The following PPP1R16B variants were observed in gnomAD, a reference collection of about 807,000 sequenced individuals.
PPP1R16B encodes protein phosphatase 1 regulatory inhibitor subunit 16B.
In PPP1R16B, 14 loss-of-function variants were observed where a neutral mutation model predicts 61.7. That is an observed-to-expected ratio of 0.23 (90% CI 0.15 to 0.35). PPP1R16B has a LOEUF of 0.35. Ranked by LOEUF, PPP1R16B falls within the 10% of genes least tolerant of loss-of-function variation. PPP1R16B has a pLI of 1.00. For missense variants in PPP1R16B, 547 were observed against 752.5 expected (o/e 0.73, Z 3.19); for synonymous variants, 266 against 305.3 (o/e 0.87, Z 1.34).
intron 2 of PPP1R16B, among the ~76,000 whole-genome samples, chr20:38,838,864 C>T (rs2084890422): frequency 6.6e-6 from 1 of 152,204 alleles, no homozygotes; most frequent in African/African-American, 2.4e-5. Context: ...GGGATCAGTG[C>T]CCCGCAGCCC....
At chr20:38,820,507 G>T (rs994513983) in intron 1 of PPP1R16B, among the ~76,000 whole-genome samples, 2 of 151,738 alleles carry the variant, frequency 1.3e-5, no homozygotes, top group Non-Finnish European at 1.5e-5. Context: ...GCAGTGAGCC[G>T]AGACTGTGCC....
intron 2 of PPP1R16B, among the ~76,000 whole-genome samples, chr20:38,839,797 TGGA>T (rs1283252234): frequency 2.0e-5 from 3 of 152,250 alleles, no homozygotes; most frequent in Non-Finnish European, 4.4e-5. Flanking sequence ...TTCCATAGTA[TGGA>T]TTACCAGAAT....
chr20:38,826,614 A>G (rs2084806890), intron 1 of PPP1R16B, among the ~76,000 whole-genome samples: 1 of 152,212 alleles, frequency 6.6e-6, no homozygotes, highest in African/African-American at 2.4e-5. Flanking sequence ...ACCAATCCAA[A>G]TCATCAATCA....
chr20:38,883,259 G>A (rs925956303), intron 2 of PPP1R16B, among the ~76,000 whole-genome samples: 1 of 152,256 alleles, frequency 6.6e-6, no homozygotes, highest in Non-Finnish European at 1.5e-5. Flanking sequence ...AGGAGGAGCA[G>A]GAGCCACGCC....
At chr20:38,855,904 C>CCACATATATA (rs2085000738) in intron 2 of PPP1R16B, among the ~76,000 whole-genome samples, 1 of 50,146 alleles carries the variant, frequency 2.0e-5, no homozygotes, top group African/African-American at 8.0e-5. Flanking sequence ...AGACAGTTTC[C>CCACATATATA]TACATATATA....
At chr20:38,894,024 C>G (rs2085312861) in intron 3 of PPP1R16B, among the ~76,000 whole-genome samples, 1 of 152,178 alleles carries the variant, frequency 6.6e-6, no homozygotes, top group East Asian at 1.9e-4. Flanking sequence ...TTCTCCCGCC[C>G]GTCTGAAGCA....
chr20:38,844,316 T>A (rs1447701065), intron 2 of PPP1R16B, among the ~76,000 whole-genome samples: 2 of 152,248 alleles, frequency 1.3e-5, no homozygotes, highest in Non-Finnish European at 2.9e-5. Flanking sequence ...ATTTGGATTT[T>A]TGCTTAAAAG....
rs1483550168 is a variant in PPP1R16B, at chr20:38,806,640, G to T, written c.-102+848G>T. Among the ~76,000 whole-genome samples, 1 of 152,174 alleles carries T rather than the reference G, an allele frequency of 6.6e-6. No individual in the cohort carries two copies. The highest frequency in any genetic ancestry group is 1.5e-5 in the Non-Finnish European group (1 of 68,018). On this transcript the variant is annotated intron_variant, in intron 1 of 10. Coordinates refer to ENST00000299824, the MANE Select transcript of PPP1R16B (RefSeq NM_015568.4). The surrounding 1 kb of genome is among the most constrained non-coding windows in gnomAD (Gnocchi z 4.5). ...GTGCCCAGGCTGAGCTGCCCAGACC[G>T]CCCCGGGTGGAGAGCCGGGAGGCAG...
In PPP1R16B at chr20:38,902,668, G is replaced by T. The variant is rs750940928; in HGVS notation, c.572G>T (p.Gly191Val). The T allele has an allele frequency of 2.5e-6, 4 of 1,614,142 alleles. No homozygotes were observed. The highest frequency in any genetic ancestry group is 3.4e-6 in the Non-Finnish European group (4 of 1,180,022). ...DVIETCMAYQ[G>V]ITQEKINEMR... ...ATAAATCCCCTCTTTCCCACTGCAG[G>T]CATCACCCAAGAGAAAATCAACGAG... Residue 191 changes from glycine to valine, a missense_variant and splice_region_variant, in exon 6 of 11, where the codon GGC becomes GTC. Physicochemically the swap from Gly to Val is moderately radical, Grantham distance 109. Coordinates refer to ENST00000299824, the MANE Select transcript of PPP1R16B (RefSeq NM_015568.4).
chr20:38,846,772 G>C lies in PPP1R16B; in HGVS notation c.250+10597G>C, dbSNP rs534878234. Among the ~76,000 whole-genome samples, 3 of 152,312 alleles carry C rather than the reference G, an allele frequency of 2.0e-5. No individual in the cohort carries two copies. In the East Asian group the frequency reaches 5.8e-4, roughly 29 times the overall value. ...AAATCCTAGCACTTTGAGAGGCCAA[G>C]GCGGGAAGATCACTTGAGCCCAGGA... On this transcript the variant is annotated intron_variant, in intron 2 of 10. Coordinates refer to ENST00000299824, the MANE Select transcript of PPP1R16B (RefSeq NM_015568.4).
intron 1 of PPP1R16B, among the ~76,000 whole-genome samples, chr20:38,835,168 C>T (rs557462240): frequency 1.1e-4 from 17 of 152,348 alleles, no homozygotes; most frequent in African/African-American, 4.1e-4. Flanking sequence ...ATTGTTTCTT[C>T]TGGTCTCTTT....
chr20:38,906,610 A>C (rs752198602), intron 7 of PPP1R16B, among the ~76,000 whole-genome samples: 2 of 152,178 alleles, frequency 1.3e-5, no homozygotes, highest in Admixed American at 6.5e-5. Flanking sequence ...ATAGGATGGT[A>C]ATCAAATTTG....
At chr20:38,904,781 A>AGAC (rs1196803936) in intron 6 of PPP1R16B, among the ~76,000 whole-genome samples, 3 of 152,140 alleles carry the variant, frequency 2.0e-5, no homozygotes, top group Non-Finnish European at 4.4e-5. Flanking sequence ...CTCCAGCCCA[A>AGAC]GACCTCAGGC....
chr20:38,896,665 T>C (rs1390263630), intron 4 of PPP1R16B, among the ~76,000 whole-genome samples: 9 of 152,174 alleles, frequency 5.9e-5, no homozygotes, highest in Admixed American at 5.9e-4. Flanking sequence ...GTTAGTGGTA[T>C]TAAGTACATT....
chr20:38,906,476 G>GTT (rs1215632603), intron 7 of PPP1R16B, among the ~76,000 whole-genome samples: 1 of 151,796 alleles, frequency 6.6e-6, no homozygotes, highest in Non-Finnish European at 1.5e-5. Flanking sequence ...TGTATTTTTA[G>GTT]TAGAGACAGG....
At chr20:38,820,060 T>A (rs1384160949) in intron 1 of PPP1R16B, among the ~76,000 whole-genome samples, 1 of 152,226 alleles carries the variant, frequency 6.6e-6, no homozygotes, top group Non-Finnish European at 1.5e-5. Context: ...TGGGTTATTT[T>A]GGTTAACACT....
At chr20:38,911,647 C>T (rs996875273) in intron 10 of PPP1R16B, among the ~76,000 whole-genome samples, 1 of 152,018 alleles carries the variant, frequency 6.6e-6, no homozygotes, top group African/African-American at 2.4e-5. Context: ...AGCGATTCTC[C>T]TGCCTCAGCC....
chr20:38,840,651 G>A (rs1417108627), intron 2 of PPP1R16B, among the ~76,000 whole-genome samples: 6 of 152,156 alleles, frequency 3.9e-5, no homozygotes, highest in Non-Finnish European at 7.4e-5. Context: ...GCCTTTTCCC[G>A]GCCCTGGTTA....
At chr20:38,861,433 C>A (rs145107054) in intron 2 of PPP1R16B, among the ~76,000 whole-genome samples, 57 of 152,316 alleles carry the variant, frequency 3.7e-4, no homozygotes, top group African/African-American at 1.1e-3. Flanking sequence ...AGCCAAGACT[C>A]CTGTGTCCCT....
Sources: gnomAD v4.1 joint callset for allele counts (sites outside exome capture counted in the v4.1 genomes callset) on GRCh38, gnomAD v4.1.1 for gene constraint, Gnocchi (gnomAD v3.1) non-coding constraint, MANE v1.5 for transcripts, NCBI Gene and HGNC (gene_info 2026-07-23, HGNC 2026-07-21) for gene names.